The following VPS50 variants were observed in gnomAD, a reference collection of about 807,000 sequenced individuals.
VPS50 encodes the protein VPS50 subunit of EARP/GARPII complex, also known as syndetin.
VPS50 carries 70 observed loss-of-function variants against 139.7 expected under a neutral mutation model. The observed-to-expected ratio is 0.50, with a 90% confidence interval of 0.41 to 0.61. The LOEUF is 0.61. Among genes scored for constraint, VPS50 ranks in the 20% least tolerant of loss-of-function variants. VPS50 has a pLI of 0.00. For synonymous variants in VPS50, 365 were observed against 376.7 expected, an observed-to-expected ratio of 0.97 and a Z score of 0.36; for missense variants, 921 against 1,133.7, an observed-to-expected ratio of 0.81 and a Z score of 2.69.
At chr7:93,251,336 T>C (rs554228522) in intron 2 of VPS50, among the ~76,000 whole-genome samples, 1 of 152,254 alleles carries the variant, frequency 6.6e-6, no homozygotes, top group South Asian at 2.1e-4. Context: ...CCTTGTAATA[T>C]ATGCAGCCAT....
At chr7:93,305,357 C>T (rs905234524) in intron 17 of VPS50, among the ~76,000 whole-genome samples, 2 of 151,796 alleles carry the variant, frequency 1.3e-5, no homozygotes, top group South Asian at 2.1e-4. Context: ...AGTTTGTAGG[C>T]GTCAATGTAA....
chr7:93,291,732 C>G lies in VPS50; in HGVS notation c.972C>G (p.Cys324Trp). 2 of 1,576,930 alleles carry G rather than the reference C, an allele frequency of 1.3e-6. No individual in the cohort carries two copies. The highest frequency in any genetic ancestry group is 1.7e-6 in the Non-Finnish European group (2 of 1,159,594). The change falls in exon 13 of 28, where the codon TGC becomes TGG. Residue 324 changes from cysteine (C) to tryptophan (W), a missense_variant. Physicochemically the swap from Cys to Trp is radical, Grantham distance 215 (BLOSUM62 -2). This residue lies in a region of VPS50 where 744 missense variants were observed against 930.6 expected (regional missense o/e 0.80). Transcript: ENST00000305866. ...THVTPDSYIP[C>W]LADLCKALWE... is the part of the protein sequence containing the mutation. Reference sequence around the variant, plus strand: ...TTACACCAGACAGCTATATTCCATGCCTTGCAGACCTGTGCAAAGCACTAT... The same window carrying G: ...TTACACCAGACAGCTATATTCCATGGCTTGCAGACCTGTGCAAAGCACTAT...
At chr7:93,345,444 A>G (rs1015987518) in intron 23 of VPS50, among the ~76,000 whole-genome samples, 3 of 152,200 alleles carry the variant, frequency 2.0e-5, no homozygotes, top group African/African-American at 4.8e-5. Flanking sequence ...ATTCCAATCA[A>G]TAGAAAAAGA....
intron 11 of VPS50, chr7:93,275,820 T>C (rs1796137166): frequency 5.1e-6 from 1 of 197,406 alleles, no homozygotes; most frequent in African/African-American, 2.3e-5. Flanking sequence ...CACTGAATGA[T>C]ATAAAAGAAG....
At chr7:93,303,419 TTTC>T (rs1453077489) in intron 16 of VPS50, 38 bp from the exon 17 acceptor site, 1 of 880,290 alleles carries the variant, frequency 1.1e-6, no homozygotes, top group Non-Finnish European at 1.8e-6. Context: ...GCGGTGTACT[TTTC>T]TTCTCACTTT....
chr7:93,354,099 TACCAA>T (rs1798630984), intron 26 of VPS50, among the ~76,000 whole-genome samples: 1 of 152,172 alleles, frequency 6.6e-6, no homozygotes, highest in Admixed American at 6.5e-5. Flanking sequence ...ATGTGTTATT[TACCAA>T]ACCAAACATT....
At chr7:93,276,410 A>G (rs1423247978) in intron 12 of VPS50, 105 bp downstream of exon 12, 21 of 1,356,274 alleles carry the variant, frequency 1.5e-5, no homozygotes, top group Non-Finnish European at 1.8e-5. Flanking sequence ...CTAAAATAAA[A>G]ATAAATCTTT....
rs907016192 is a variant in VPS50, at chr7:93,358,814, G to A, written c.*378G>A. Reference sequence around the variant, plus strand: ...GGCACTTTTCTACCCTCTGAGCTTGGTTCTTAATAAGCATAATGTGAGGGT... The same window carrying A: ...GGCACTTTTCTACCCTCTGAGCTTGATTCTTAATAAGCATAATGTGAGGGT... On this transcript the variant is annotated 3_prime_UTR_variant, in exon 28 of 28. Transcript: ENST00000305866. The A allele has an allele frequency of 6.2e-5, 10 of 161,776 alleles. No homozygotes were observed. Among genetic ancestry groups the A allele is most frequent in the Admixed American group, 1.8e-4 (3 of 16,696 alleles). The allele number at this position is 161,776 out of a possible 1,614,324, so 10.0% of individuals were successfully genotyped here.
At chr7:93,241,582 C>G (rs549107500) in intron 2 of VPS50, among the ~76,000 whole-genome samples, 1 of 152,048 alleles carries the variant, frequency 6.6e-6, no homozygotes, top group Non-Finnish European at 1.5e-5. Context: ...TCTCCTATAG[C>G]ATAACAAATG....
rs1446711409 is a variant in VPS50, at chr7:93,241,150, T to C, written c.102+1216T>C. Among the ~76,000 whole-genome samples the C allele has an allele frequency of 2.0e-5, 3 of 152,272 alleles. No homozygotes were observed. The East Asian group carries it at 5.8e-4, about 29-fold the overall frequency. On this transcript the variant is annotated intron_variant, in intron 2 of 27. Coordinates refer to ENST00000305866, the MANE Select transcript of VPS50 (RefSeq NM_017667.4). Reference sequence around the variant, plus strand: ...TACATATTGCAGAATCAATGTCAAATTGATGAGTGAGCCTCTTTAAAAAAA... The same window carrying C: ...TACATATTGCAGAATCAATGTCAAACTGATGAGTGAGCCTCTTTAAAAAAA...
At chr7:93,255,397 G>A (rs1451900656) in intron 4 of VPS50, among the ~76,000 whole-genome samples, 1 of 152,134 alleles carries the variant, frequency 6.6e-6, no homozygotes, top group African/African-American at 2.4e-5. Flanking sequence ...CTGATCTGAT[G>A]AGAGGTGGAG....
intron 12 of VPS50, among the ~76,000 whole-genome samples, chr7:93,286,913 A>G (rs1796503047): frequency 6.6e-6 from 1 of 151,996 alleles, no homozygotes; most frequent in African/African-American, 2.4e-5. Flanking sequence ...TCAATTTTAA[A>G]ATGAAATAAC....
intron 25 of VPS50, among the ~76,000 whole-genome samples, chr7:93,350,427 T>G (rs946745996): frequency 6.6e-6 from 1 of 152,148 alleles, no homozygotes; most frequent in Non-Finnish European, 1.5e-5. Flanking sequence ...ACACTACTTT[T>G]GCAGTGTGTC....
intron 21 of VPS50, among the ~76,000 whole-genome samples, chr7:93,326,185 A>G (rs932847130): frequency 6.6e-6 from 1 of 151,378 alleles, no homozygotes; most frequent in Non-Finnish European, 1.5e-5. Context: ...TTCTCAGTAA[A>G]CTATCACAAG....
At chr7:93,270,386 G>A (rs754296121) in intron 9 of VPS50, among the ~76,000 whole-genome samples, 7 of 151,898 alleles carry the variant, frequency 4.6e-5, no homozygotes, top group Non-Finnish European at 1.0e-4. Flanking sequence ...ATAAATGGAA[G>A]CATACAGTAT....
rs758650885 is a variant in VPS50, at chr7:93,305,852, C to T, written c.1477C>T (p.Arg493Cys). The T allele has an allele frequency of 2.5e-5, 41 of 1,612,280 alleles. No homozygotes were observed. Among genetic ancestry groups the T allele is most frequent in the Non-Finnish European group, 3.1e-5 (37 of 1,178,704 alleles). Residue 493 changes from arginine (R) to cysteine (C), a missense_variant, in exon 18 of 28, where the codon CGC becomes TGC. By Grantham distance (180) the Arg-to-Cys change is radical (BLOSUM62 -3). Around this residue, in one of 3 missense-constraint regions of VPS50, gnomAD observed 744 missense variants for 930.6 expected, o/e 0.80. Transcript: ENST00000305866. ...LHEFKFMEQS[R>C]SPSVSPSKQP... The stretch of plus-strand genomic sequence containing the variant: ...GGAATTTAAATTCATGGAACAGTCT[C>T]GCTCCCCATCAGTTTCACCTAGTAA...
chr7:93,326,570 C>T (rs1444515736), intron 21 of VPS50, among the ~76,000 whole-genome samples: 1 of 151,612 alleles, frequency 6.6e-6, no homozygotes, highest in Non-Finnish European at 1.5e-5. Context: ...CATCTACCTG[C>T]CGTAGAATTA....
chr7:93,279,236 T>G (rs1796253047), intron 12 of VPS50, among the ~76,000 whole-genome samples: 1 of 152,206 alleles, frequency 6.6e-6, no homozygotes, highest in Non-Finnish European at 1.5e-5. Context: ...ACCTGTTAAT[T>G]TATTTTATAA....
rs538802512 is a variant in VPS50 at position 93,241,849 on chromosome 7, T to C, written c.102+1915T>C. Among the ~76,000 whole-genome samples, 8 of 152,216 alleles carry C rather than the reference T, an allele frequency of 5.3e-5. No homozygotes were observed. In the East Asian group the frequency reaches 1.5e-3, roughly 29 times the overall value. ...TACTTAGATCATAACACATATATTT[T>C]AATGATTTATTTTTGTATAATTGCT... On this transcript the variant is annotated intron_variant, in intron 2 of 27. Coordinates refer to ENST00000305866, the MANE Select transcript of VPS50 (RefSeq NM_017667.4).
Sources: allele counts gnomAD v4.1 joint callset (sites outside exome capture counted in the v4.1 genomes callset), GRCh38; gene constraint gnomAD v4.1.1; regional missense constraint gnomAD v4.1.1; transcripts MANE v1.5; gene names NCBI Gene and HGNC (gene_info 2026-07-23, HGNC 2026-07-21).